Variants in TULP1 observed in about 807,000 individuals in gnomAD.
The protein encoded by TULP1 is tubby-related protein 1.
A neutral mutation model predicts 67.1 loss-of-function variants in TULP1; 50 were observed. The ratio of observed to expected loss-of-function variants is 0.75; its 90% CI spans 0.59 to 0.94. TULP1 has a LOEUF of 0.94. Among genes scored for constraint, TULP1 ranks in the 40% least tolerant of loss-of-function variants. The pLI is 0.00. For missense variants in TULP1, 746 were observed against 734.1 expected (o/e 1.02, Z -0.19); for synonymous variants, 297 against 294.0 (o/e 1.01, Z -0.11).
Position 35,511,800 on chromosome 6 carries a change from C to A in TULP1, c.197G>T (p.Arg66Leu), listed in dbSNP as rs1311597381. Reference sequence around the variant, plus strand: ...AGGCTCCTCCCGCGGCCTCCCCGTCCGCCCAGCTGAGCCGAGATGCGGGGT... The same window carrying A: ...AGGCTCCTCCCGCGGCCTCCCCGTCAGCCCAGCTGAGCCGAGATGCGGGGT... ...GSKPRKPGAG[R>L]TGRPREEPSP... The change falls in exon 4 of 15, where the codon CGG becomes CTG. Residue 66 changes from arginine to leucine, a missense_variant. Coordinates refer to ENST00000229771, the MANE Select transcript of TULP1 (RefSeq NM_003322.6). 1 of 1,552,454 alleles carries A rather than the reference C, an allele frequency of 6.4e-7. No homozygotes were observed. Among genetic ancestry groups the A allele is most frequent in the Non-Finnish European group, 8.7e-7 (1 of 1,148,226 alleles).
intron 13 of TULP1, among the ~76,000 whole-genome samples, chr6:35,502,719 G>C (rs913584302): frequency 6.6e-6 from 1 of 151,520 alleles, no homozygotes; most frequent in African/African-American, 2.4e-5. Flanking sequence ...GGCTGGTCTC[G>C]AACTCCTGAC....
At chr6:35,510,051 C>T (rs1005980925) in intron 5 of TULP1, 123 bp from the exon 6 acceptor site, 26 of 870,564 alleles carry the variant, frequency 3.0e-5, no homozygotes, top group Non-Finnish European at 4.5e-5. Flanking sequence ...GGCCCACAGC[C>T]TGCCTTCTTT....
rs771175560 is a variant in TULP1, at chr6:35,506,250, G to T, written c.828+24C>A. 2.5e-6 allele frequency: 4 copies of T among 1,599,000 alleles called. No homozygotes were observed. In the East Asian group the frequency reaches 6.8e-5, roughly 27 times the overall value. Reference sequence around the variant, plus strand: ...CCAGCAGGTCCCAGTGCTGAGACACGGGCAGCCCGGCAGGACAACTCACCG... The same window carrying T: ...CCAGCAGGTCCCAGTGCTGAGACACTGGCAGCCCGGCAGGACAACTCACCG... On this transcript the variant is annotated intron_variant, in intron 9 of 14. Coordinates refer to ENST00000229771, the MANE Select transcript of TULP1 (RefSeq NM_003322.6).
intron 13 of TULP1, among the ~76,000 whole-genome samples, chr6:35,501,509 GAAAAAAAA>G (rs67875217): frequency 1.1e-5 from 1 of 88,778 alleles, no homozygotes; most frequent in South Asian, 4.3e-4. Flanking sequence ...CTCGGTCTCA[GAAAAAAAA>G]AAAAAAAAAA....
chr6:35,511,627 G>T lies in TULP1; in HGVS notation c.349+21C>A, dbSNP rs1263888812. The stretch of plus-strand genomic sequence containing the variant: ...TTAGCTCCACCGCCCCCTCACCCGC[G>T]TCCCTGGGGCCCTCTCTCACCGTCC... On this transcript the variant is annotated intron_variant, in intron 4 of 14. Coordinates refer to ENST00000229771, the MANE Select transcript of TULP1 (RefSeq NM_003322.6). 7 of 1,586,286 alleles carry T rather than the reference G, an allele frequency of 4.4e-6. No individual in the cohort carries two copies. The African/African-American group carries it at 8.1e-5, about 18-fold the overall frequency.
chr6:35,499,384 G>C (rs1238024036), intron 14 of TULP1, among the ~76,000 whole-genome samples: 1 of 152,214 alleles, frequency 6.6e-6, no homozygotes, highest in Non-Finnish European at 1.5e-5. Context: ...TACTAGTGAT[G>C]TGACCGTGGG....
At chr6:35,505,502 G>T in intron 11 of TULP1, 1 of 1,170,618 alleles carries the variant, frequency 8.5e-7, no homozygotes, top group African/African-American at 1.5e-5. Context: ...TGGCAGCAGT[G>T]TGGGCATCGC....
intron 5 of TULP1, 126 bp from the exon 6 acceptor site, chr6:35,510,054 C>A (rs991013159): frequency 1.4e-5 from 12 of 839,844 alleles, no homozygotes; most frequent in Non-Finnish European, 1.9e-5. Context: ...CCACAGCCTG[C>A]CTTCTTTTTC....
At position 35,511,137 on chromosome 6, in the gene TULP1, A is replaced by G; in HGVS notation, c.350-127T>C. 5.2e-6 allele frequency: 8 copies of G among 1,537,438 alleles called. No individual in the cohort carries two copies. The South Asian group carries it at 9.9e-5, about 19-fold the overall frequency. ...AAGGGGAGCCTGCCCTTCTGAAACA[A>G]GAACCGGAGACCTGGCACCTTCCCA... On this transcript the variant is annotated intron_variant, in intron 4 of 14. Coordinates refer to ENST00000229771, the MANE Select transcript of TULP1 (RefSeq NM_003322.6).
intron 11 of TULP1, chr6:35,504,129 A>C: frequency 5.1e-6 from 2 of 389,566 alleles, no homozygotes. Flanking sequence ...CAGCCTGGGC[A>C]ACATGGCAGA....
chr6:35,505,711 T>C lies in TULP1; in HGVS notation c.1112+30A>G, dbSNP rs777344477. On this transcript the variant is annotated intron_variant, in intron 11 of 14. Transcript: ENST00000229771. Reference sequence around the variant, plus strand: ...GGCTATGGCCTTTTGCTGACCCAAGTCCCCCCAGCCCCAGGAAGCCCAGCC... The same window carrying C: ...GGCTATGGCCTTTTGCTGACCCAAGCCCCCCCAGCCCCAGGAAGCCCAGCC... 5 of 1,611,714 alleles carry C rather than the reference T, an allele frequency of 3.1e-6. No individual in the cohort carries two copies. The East Asian group carries it at 1.1e-4, about 36-fold the overall frequency.
chr6:35,505,439 C>A, intron 11 of TULP1: 1 of 554,740 alleles, frequency 1.8e-6, no homozygotes. Context: ...ACAAGGCAGG[C>A]ACAGTGCCTG....
In TULP1 at chr6:35,506,360, C is replaced by T. The variant is rs1397701630; in HGVS notation, c.823-81G>A. 11 of 1,535,962 alleles carry T rather than the reference C, an allele frequency of 7.2e-6. No homozygotes were observed. The South Asian group carries it at 8.4e-5, about 12-fold the overall frequency. ...CGGGGAAGCCACTGCCCCTCATGCT[C>T]CCTGGCAGCCCGGCACGGCCAAGTT... On this transcript the variant is annotated intron_variant, in intron 8 of 14. Transcript: ENST00000229771.
chr6:35,501,763 G>A (rs1056370507), intron 13 of TULP1, among the ~76,000 whole-genome samples: 4 of 152,222 alleles, frequency 2.6e-5, no homozygotes, highest in South Asian at 2.1e-4. Context: ...AGTGAGTTGC[G>A]ATCAGGCCAT....
intron 13 of TULP1, among the ~76,000 whole-genome samples, chr6:35,500,398 T>C (rs1332201258): frequency 6.6e-6 from 1 of 152,158 alleles, no homozygotes; most frequent in Non-Finnish European, 1.5e-5. Flanking sequence ...GCAAGGGGCA[T>C]CTGGCACATA....
At chr6:35,504,174 C>G (rs1761032707) in intron 11 of TULP1, 1 of 305,286 alleles carries the variant, frequency 3.3e-6, no homozygotes, top group South Asian at 3.3e-5. Flanking sequence ...CCGCCCTCTG[C>G]CCCCCACCTG....
In TULP1 at chr6:35,512,888, T is replaced by C; in HGVS notation, c.-30A>G. The C allele has an allele frequency of 6.2e-7, 1 of 1,611,310 alleles. No individual in the cohort carries two copies. The highest frequency in any genetic ancestry group is 1.1e-5 in the South Asian group (1 of 90,966). Reference sequence around the variant, plus strand: ...CCTTTGCCTATCGCACCCCTTTCTCTGCAGGTCTAGGAGCCTCCCTCCCGA... The same window carrying C: ...CCTTTGCCTATCGCACCCCTTTCTCCGCAGGTCTAGGAGCCTCCCTCCCGA... On this transcript the variant is annotated 5_prime_UTR_variant, in exon 1 of 15. Coordinates refer to ENST00000229771, the MANE Select transcript of TULP1 (RefSeq NM_003322.6).
chr6:35,505,695 CT>C (rs1761065046), intron 11 of TULP1, 45 bp downstream of exon 11: 1 of 1,609,592 alleles, frequency 6.2e-7, no homozygotes, highest in Non-Finnish European at 8.5e-7. Flanking sequence ...GGGCTATGGC[CT>C]TTTGCTGACC....
At chr6:35,504,412 C>T (rs540903616) in intron 11 of TULP1, among the ~76,000 whole-genome samples, 4 of 152,174 alleles carry the variant, frequency 2.6e-5, no homozygotes, top group African/African-American at 9.6e-5. Flanking sequence ...CCAACTCCAT[C>T]TCTTACTATT....
Sources: allele counts gnomAD v4.1 joint callset (sites outside exome capture counted in the v4.1 genomes callset), GRCh38; gene constraint gnomAD v4.1.1; transcripts MANE v1.5; gene names NCBI Gene and HGNC (gene_info 2026-07-23, HGNC 2026-07-21).